RANBP2: variants seen among roughly 807,000 people sequenced by gnomAD.
RANBP2 encodes RAN binding protein 2.
Under a neutral mutation model 303.6 loss-of-function variants are expected in RANBP2, and 57 were observed. The observed-to-expected ratio is 0.19, with a 90% CI of 0.15 to 0.23. The LOEUF is 0.23. RANBP2 is among the 10% of genes least tolerant of loss of function. The pLI, the probability that RANBP2 is intolerant of heterozygous loss-of-function variation, is 1.00. For missense variants in RANBP2, 3,138 were observed against 3,780.8 expected (o/e 0.83, Z 4.46); for synonymous variants, 1,167 against 1,301.5 (o/e 0.90, Z 2.23).
At chr2:109,186,198 C>G in the RANBP2 span, among the ~76,000 whole-genome samples, 2 of 152,242 alleles carry the variant, frequency 1.3e-5, no homozygotes, top group Non-Finnish European at 2.9e-5. Flanking sequence ...CTGTTTTTGC[C>G]TCACTGAAAA....
the RANBP2 span, among the ~76,000 whole-genome samples, chr2:109,260,053 T>C: frequency 6.6e-6 from 1 of 152,192 alleles, no homozygotes; most frequent in Non-Finnish European, 1.5e-5. Context: ...GAGGGTTATT[T>C]GTGATGTTTA....
At chr2:109,005,969 G>A in the RANBP2 span, among the ~76,000 whole-genome samples, 1 of 152,152 alleles carries the variant, frequency 6.6e-6, no homozygotes, top group African/African-American at 2.4e-5. Flanking sequence ...AAGAGGAGAG[G>A]AAGCACAGAG....
chr2:108,781,195 T>C (rs1298176690), intron 25 of RANBP2, 74 bp from the exon 26 acceptor site: 2 of 1,387,982 alleles, frequency 1.4e-6, no homozygotes, highest in African/African-American at 1.4e-5. Context: ...ATTAGAGGGA[T>C]TGATAAAATA....
At chr2:109,060,038 T>C in the RANBP2 span, among the ~76,000 whole-genome samples, 2 of 152,240 alleles carry the variant, frequency 1.3e-5, no homozygotes, top group East Asian at 3.9e-4. Flanking sequence ...GAACCTGACT[T>C]CCAACCTGGA....
chr2:109,419,468 A>G, the RANBP2 span: 1 of 1,475,922 alleles, frequency 6.8e-7, no homozygotes, highest in South Asian at 1.2e-5. Flanking sequence ...ATGCAGCCTC[A>G]TTTTGCTTTT....
At chr2:109,196,403 G>A in the RANBP2 span, among the ~76,000 whole-genome samples, 2 of 152,158 alleles carry the variant, frequency 1.3e-5, no homozygotes, top group Admixed American at 6.5e-5. Context: ...ATCCCGTGGC[G>A]GGCAGCCTCC....
the RANBP2 span, among the ~76,000 whole-genome samples, chr2:109,550,524 G>A: frequency 9.4e-4 from 143 of 152,060 alleles, no homozygotes; most frequent in African/African-American, 3.4e-3. Context: ...ATATTGACCA[G>A]GCTGGTCTCA....
chr2:108,974,690 A>G, the RANBP2 span, among the ~76,000 whole-genome samples: 1 of 152,132 alleles, frequency 6.6e-6, no homozygotes, highest in Non-Finnish European at 1.5e-5. Flanking sequence ...AGATAGCGCC[A>G]CTGCACTCCA....
chr2:109,388,084 C>T, the RANBP2 span, among the ~76,000 whole-genome samples: 1 of 152,090 alleles, frequency 6.6e-6, no homozygotes, highest in Non-Finnish European at 1.5e-5. Context: ...GACCCCTGTG[C>T]ACACACATGC....
At chr2:109,602,380 T>C in the RANBP2 span, among the ~76,000 whole-genome samples, 1 of 152,048 alleles carries the variant, frequency 6.6e-6, no homozygotes, top group East Asian at 1.9e-4. Flanking sequence ...CAAGGCTTAT[T>C]TAAATAAAAA....
chr2:109,567,865 G>A, the RANBP2 span: 3 of 1,613,626 alleles, frequency 1.9e-6, no homozygotes, highest in Admixed American at 1.7e-5. Context: ...GTTGGGAACT[G>A]GTATATCTGG....
chr2:109,161,779 C>T, the RANBP2 span, among the ~76,000 whole-genome samples: 1 of 151,930 alleles, frequency 6.6e-6, no homozygotes, highest in South Asian at 2.1e-4. Context: ...AGCTCACTCA[C>T]CACCACCCCC....
the RANBP2 span, among the ~76,000 whole-genome samples, chr2:109,394,466 G>T: frequency 6.6e-6 from 1 of 152,194 alleles, no homozygotes; most frequent in Non-Finnish European, 1.5e-5. Context: ...CCCAGAACAG[G>T]GGCAGGCTCT....
At chr2:108,889,550 CTTTTCT>C in the RANBP2 span, among the ~76,000 whole-genome samples, 6 of 147,924 alleles carry the variant, frequency 4.1e-5, no homozygotes, top group Non-Finnish European at 5.9e-5. Context: ...ACCTTTTTTT[CTTTTCT>C]TTTTTTTTTT....
chr2:109,591,743 C>A, the RANBP2 span, among the ~76,000 whole-genome samples: 3 of 151,776 alleles, frequency 2.0e-5, no homozygotes, highest in Non-Finnish European at 4.4e-5. Context: ...AGTAACAATA[C>A]AAAAATTGGC....
At chr2:109,665,343 G>GATTTTT in the RANBP2 span, 11 of 122,126 alleles carry the variant, frequency 9.0e-5, no homozygotes, top group Non-Finnish European at 1.9e-4. Flanking sequence ...TCGCAAGCAG[G>GATTTTT]TTTTTTTTTT....
chr2:108,746,273 C>T (rs1435283179), intron 7 of RANBP2, among the ~76,000 whole-genome samples: 5 of 138,042 alleles, frequency 3.6e-5, no homozygotes, highest in Middle Eastern at 4.7e-3. Flanking sequence ...AGTGCAATGG[C>T]GCAGTCTCAG....
the RANBP2 span, among the ~76,000 whole-genome samples, chr2:109,300,542 A>G: frequency 6.6e-6 from 1 of 152,216 alleles, no homozygotes; most frequent in African/African-American, 2.4e-5. Flanking sequence ...TCCATGCTCC[A>G]GAGATGACAG....
chr2:108,841,680 A>G, the RANBP2 span, among the ~76,000 whole-genome samples: 6 of 152,178 alleles, frequency 3.9e-5, no homozygotes, highest in Non-Finnish European at 7.3e-5. Flanking sequence ...TTTAGAAAAA[A>G]TAAACTTTGT....
Sources: gnomAD v4.1 joint callset for allele counts (sites outside exome capture counted in the v4.1 genomes callset) on GRCh38, gnomAD v4.1.1 for gene constraint, MANE v1.5 for transcripts, NCBI Gene and HGNC (gene_info 2026-07-23, HGNC 2026-07-21) for gene names.